The following FBXL20 variants were observed in gnomAD, a reference collection of about 807,000 sequenced individuals.
The protein encoded by FBXL20 is F-box and leucine rich repeat protein 20.
A neutral mutation model predicts 64.0 loss-of-function variants in FBXL20; 11 were observed. The observed-to-expected ratio is 0.17, with a 90% CI of 0.11 to 0.28. The LOEUF is 0.28. Ranked by LOEUF, FBXL20 falls within the 10% of genes least tolerant of loss-of-function variation. The pLI is 1.00. For missense variants in FBXL20, 303 were observed against 526.2 expected (o/e 0.58, Z 4.15); for synonymous variants, 184 against 189.0 (o/e 0.97, Z 0.22).
At chr17:39,376,081 T>C (rs2047964346) in intron 1 of FBXL20, among the ~76,000 whole-genome samples, 1 of 152,008 alleles carries the variant, frequency 6.6e-6, no homozygotes, top group South Asian at 2.1e-4. Flanking sequence ...ATTGCACCAC[T>C]GCACTCCAGC....
intron 1 of FBXL20, among the ~76,000 whole-genome samples, chr17:39,352,157 T>C (rs1384254468): frequency 6.6e-6 from 1 of 151,996 alleles, no homozygotes; most frequent in African/African-American, 2.4e-5. Context: ...GCTTAGTAAA[T>C]AAACAGGACC....
chr17:39,300,704 A>C (rs2047126182), intron 4 of FBXL20, among the ~76,000 whole-genome samples: 1 of 152,222 alleles, frequency 6.6e-6, no homozygotes, highest in Non-Finnish European at 1.5e-5. Flanking sequence ...TCACTAAAAT[A>C]AACATAGATT....
intron 6 of FBXL20, among the ~76,000 whole-genome samples, chr17:39,286,175 C>A (rs988201859): frequency 6.6e-6 from 1 of 152,116 alleles, no homozygotes; most frequent in Non-Finnish European, 1.5e-5. Flanking sequence ...GTAAATAATA[C>A]AGAGAACCCA....
Position 39,366,882 on chromosome 17 carries a change from C to CT in FBXL20, c.43-23642dup, listed in dbSNP as rs34067496. 1.8e-3 allele frequency among the ~76,000 whole-genome samples: 244 copies of CT among 137,686 alleles called. 3 individuals carry two copies. The highest frequency in any genetic ancestry group is 7.0e-3 in the South Asian group (31 of 4,416). The allele number at this position is 137,686 out of a possible 152,430, so 90.3% of individuals were successfully genotyped here. A position where few individuals can be genotyped will look rare whatever the true frequency, so the allele number is the denominator to read the frequency against. On this transcript the variant is annotated intron_variant, in intron 1 of 14. Transcript: ENST00000264658. ...GTCTGAGGTTATTATTCTATCAGTC[C>CT]TTTTTTTTTTTTTTTTCCTGAGATG...
At chr17:39,354,679 G>C (rs1230108784) in intron 1 of FBXL20, among the ~76,000 whole-genome samples, 1 of 152,100 alleles carries the variant, frequency 6.6e-6, no homozygotes, top group African/African-American at 2.4e-5. Context: ...GCAGCCTTTT[G>C]TGGCTTTTTC....
At chr17:39,347,741 T>C (rs1291575266) in intron 1 of FBXL20, among the ~76,000 whole-genome samples, 1 of 152,196 alleles carries the variant, frequency 6.6e-6, no homozygotes, top group East Asian at 1.9e-4. Flanking sequence ...TTGCTTTTGG[T>C]GTTTTAGTCA....
At chr17:39,352,356 C>A (rs2047695496) in intron 1 of FBXL20, among the ~76,000 whole-genome samples, 1 of 151,592 alleles carries the variant, frequency 6.6e-6, no homozygotes, top group South Asian at 2.1e-4. Context: ...TCGCGAGACC[C>A]CATGTCTGAA....
At chr17:39,340,547 G>A (rs1352957967) in intron 2 of FBXL20, among the ~76,000 whole-genome samples, 1 of 152,164 alleles carries the variant, frequency 6.6e-6, no homozygotes, top group Non-Finnish European at 1.5e-5. Context: ...CTGTTTCAAT[G>A]TTAATTTCCT....
intron 2 of FBXL20, among the ~76,000 whole-genome samples, chr17:39,306,595 A>C (rs957020116): frequency 6.6e-6 from 1 of 152,162 alleles, no homozygotes; most frequent in Non-Finnish European, 1.5e-5. Flanking sequence ...TGAGCTCTCT[A>C]TTCTATTCCA....
rs527501559 is a variant in FBXL20, at chr17:39,310,590, A to G, written c.105-6951T>C. ...CGGGTAGGCACAGTGGCTCATGCCT[A>G]TAACCCCAGCACTTTGGGAGGCTAA... On this transcript the variant is annotated intron_variant, in intron 2 of 14. Coordinates refer to ENST00000264658, the MANE Select transcript of FBXL20 (RefSeq NM_032875.3). Among the ~76,000 whole-genome samples, 11 of 152,112 alleles carry G rather than the reference A, an allele frequency of 7.2e-5. No homozygotes were observed. In the South Asian group the frequency reaches 1.5e-3, roughly 20 times the overall value.
intron 11 of FBXL20, 67 bp from the exon 12 acceptor site, chr17:39,268,938 G>T (rs894921268): frequency 1.7e-5 from 23 of 1,353,200 alleles, no homozygotes; most frequent in African/African-American, 1.6e-4. Flanking sequence ...AACTTTTAAG[G>T]ACAGAAAACT....
At chr17:39,354,698 T>G (rs1378062042) in intron 1 of FBXL20, among the ~76,000 whole-genome samples, 1 of 152,188 alleles carries the variant, frequency 6.6e-6, no homozygotes, top group Non-Finnish European at 1.5e-5. Flanking sequence ...TCACTACGTA[T>G]CTCTATAGCA....
At chr17:39,329,486 AT>A (rs2047440216) in intron 2 of FBXL20, among the ~76,000 whole-genome samples, 1 of 152,196 alleles carries the variant, frequency 6.6e-6, no homozygotes, top group African/African-American at 2.4e-5. Context: ...AAATGAAAAA[AT>A]ATTAATAACT....
intron 2 of FBXL20, among the ~76,000 whole-genome samples, chr17:39,341,207 C>T (rs1347333960): frequency 6.6e-6 from 1 of 152,022 alleles, no homozygotes; most frequent in Non-Finnish European, 1.5e-5. Context: ...GGACTTGTTT[C>T]CAACATTAAG....
chr17:39,390,166 A>T (rs912763392), intron 1 of FBXL20, among the ~76,000 whole-genome samples: 6 of 152,158 alleles, frequency 3.9e-5, no homozygotes, highest in Non-Finnish European at 7.3e-5. Flanking sequence ...GGCTGGGTGC[A>T]GTGGCTCATA....
chr17:39,365,583 T>C (rs1013670898), intron 1 of FBXL20, among the ~76,000 whole-genome samples: 1 of 152,240 alleles, frequency 6.6e-6, no homozygotes, highest in Non-Finnish European at 1.5e-5. Flanking sequence ...TGCTGACTTC[T>C]GTTTCATTTA....
intron 3 of FBXL20, among the ~76,000 whole-genome samples, chr17:39,302,876 A>G (rs963362207): frequency 6.6e-6 from 1 of 151,702 alleles, no homozygotes; most frequent in Middle Eastern, 3.2e-3. Flanking sequence ...TGATATAGTG[A>G]TTTGGGACTT....
intron 3 of FBXL20, among the ~76,000 whole-genome samples, chr17:39,301,914 T>TCCCACCCCCC (rs2047139444): frequency 1.4e-5 from 1 of 71,710 alleles, no homozygotes; most frequent in Non-Finnish European, 2.7e-5. Flanking sequence ...AGACTAACCC[T>TCCCACCCCCC]CCCTCCCCCC....
At chr17:39,301,724 T>A (rs2047137263) in intron 3 of FBXL20, among the ~76,000 whole-genome samples, 1 of 147,262 alleles carries the variant, frequency 6.8e-6, no homozygotes, top group Non-Finnish European at 1.5e-5. Context: ...CGAAACTTCA[T>A]CTGGGGGGGA....
Sources: allele counts gnomAD v4.1 joint callset (sites outside exome capture counted in the v4.1 genomes callset), GRCh38; gene constraint gnomAD v4.1.1; transcripts MANE v1.5; gene names NCBI Gene and HGNC (gene_info 2026-07-23, HGNC 2026-07-21).